Variants in ODAPH observed in about 807,000 individuals in gnomAD.
ODAPH encodes the protein amelogenesis imperfecta type IIA4.
Under a neutral mutation model 2.8 loss-of-function variants are expected in ODAPH, and 2 were observed. That is an observed-to-expected ratio of 0.72 (90% CI 0.30 to 2.28). The LOEUF (loss-of-function observed/expected upper bound fraction) is 2.28, where lower values mean the gene tolerates loss of function less well. Among genes scored for constraint, ODAPH ranks in the 30% most tolerant of loss-of-function variants. The probability of loss-of-function intolerance (pLI) is 0.13; values close to 1 mark genes in which losing one functional copy is unlikely to be tolerated. For missense variants in ODAPH, 159 were observed against 163.3 expected (o/e 0.97, Z 0.14); for synonymous variants, 75 against 60.3 (o/e 1.24, Z -1.13).
chr4:75,563,005 C>CT (rs542417085), intron 1 of ODAPH, among the ~76,000 whole-genome samples: 625 of 59,598 alleles, frequency 0.01, 215 homozygotes, highest in Non-Finnish European at 0.014. Context: ...ATCCACACAT[C>CT]TTTTTTTTTT....
At chr4:75,558,189 T>C (rs2148840951) in intron 1 of ODAPH, among the ~76,000 whole-genome samples, 1 of 152,312 alleles carries the variant, frequency 6.6e-6, no homozygotes, top group South Asian at 2.1e-4. Context: ...ACTCACAGCA[T>C]AGAATTGAAA....
At position 75,564,556 on chromosome 4, in the gene ODAPH, G is replaced by A. The variant is rs777519994; in HGVS notation, c.*117G>A. On this transcript the variant is annotated 3_prime_UTR_variant, in exon 2 of 2. Coordinates refer to ENST00000311623, the MANE Select transcript of ODAPH (RefSeq NM_178497.5). Reference sequence around the variant, plus strand: ...TAAAACTATTGGATTTGAAGATTAAGTATCCTAAACATCACTGACTAGAAA... The same window carrying A: ...TAAAACTATTGGATTTGAAGATTAAATATCCTAAACATCACTGACTAGAAA... The A allele has an allele frequency of 3.2e-6, 5 of 1,581,950 alleles. No individual in the cohort carries two copies. Among genetic ancestry groups the A allele is most frequent in the African/African-American group, 2.7e-5 (2 of 74,100 alleles).
intron 1 of ODAPH, among the ~76,000 whole-genome samples, chr4:75,559,160 G>A (rs1727464219): frequency 6.6e-6 from 1 of 152,220 alleles, no homozygotes; most frequent in African/African-American, 2.4e-5. Flanking sequence ...CTAGGTGCTG[G>A]AGACACCGGC....
intron 1 of ODAPH, among the ~76,000 whole-genome samples, chr4:75,563,900 C>T (rs1294421361): frequency 6.6e-6 from 1 of 152,168 alleles, no homozygotes; most frequent in Non-Finnish European, 1.5e-5. Context: ...TAGACATAAT[C>T]ATTCATTTCT....
Position 75,556,090 on chromosome 4 carries a change from G to T in ODAPH, c.8G>T (p.Arg3Leu), listed in dbSNP as rs200345295. The change falls in exon 1 of 2, where the codon CGC (arginine) becomes CTC (leucine). Residue 3 changes from arginine to leucine, a missense_variant. By Grantham distance (102) the Arg-to-Leu change is moderately radical. Coordinates refer to ENST00000311623, the MANE Select transcript of ODAPH (RefSeq NM_178497.5). MA[R>L]RHCFSYWLLV... Reference sequence around the variant, plus strand: ...GACTGCTCAGTAGAAGCCATGGCTCGCAGACACTGCTTCTCCTACTGGTTA... The same window carrying T: ...GACTGCTCAGTAGAAGCCATGGCTCTCAGACACTGCTTCTCCTACTGGTTA... The T allele has an allele frequency of 6.2e-7, 1 of 1,614,016 alleles. No homozygotes were observed. Among genetic ancestry groups the T allele is most frequent in the South Asian group, 1.1e-5 (1 of 91,068 alleles).
chr4:75,560,024 G>A (rs905443390), intron 1 of ODAPH, among the ~76,000 whole-genome samples: 2 of 152,184 alleles, frequency 1.3e-5, no homozygotes, highest in African/African-American at 2.4e-5. Context: ...ACTTGAACAG[G>A]AGTTAGCCAG....
chr4:75,561,652 G>T (rs1296916393), intron 1 of ODAPH, among the ~76,000 whole-genome samples: 6 of 152,158 alleles, frequency 3.9e-5, no homozygotes, highest in Non-Finnish European at 8.8e-5. Flanking sequence ...TTTGAGACCA[G>T]CCTGGCCAAC....
At chr4:75,558,355 A>C (rs1401033318) in intron 1 of ODAPH, among the ~76,000 whole-genome samples, 1 of 152,204 alleles carries the variant, frequency 6.6e-6, no homozygotes, top group East Asian at 1.9e-4. Flanking sequence ...CTCAAGTCTG[A>C]AAGCACATGA....
chr4:75,563,979 T>C lies in ODAPH; in HGVS notation c.68-135T>C, dbSNP rs183331471. ...TGTCTGTGTCTCATTTCATTGAACG[T>C]TGGCAGTTCTTTCAAATATACATTG... On this transcript the variant is annotated intron_variant, in intron 1 of 1. Coordinates refer to ENST00000311623, the MANE Select transcript of ODAPH (RefSeq NM_178497.5). 393 of 743,858 alleles carry C rather than the reference T, an allele frequency of 5.3e-4. 4 individuals carry two copies. In the Middle Eastern group the frequency reaches 0.013, roughly 24 times the overall value. 46.1% of individuals were successfully genotyped at this position (743,858 alleles called of 1,614,324 possible).
chr4:75,565,775 G>T (rs1419828050), downstream of ODAPH: 1 of 151,764 alleles, frequency 6.6e-6, no homozygotes, highest in Non-Finnish European at 1.5e-5. Flanking sequence ...AAAAAAATCA[G>T]GATGAAGACA....
chr4:75,557,609 A>T (rs1182972605), intron 1 of ODAPH, among the ~76,000 whole-genome samples: 3 of 152,142 alleles, frequency 2.0e-5, no homozygotes, highest in Admixed American at 6.5e-5. Flanking sequence ...ATTGCACTCC[A>T]GCCTGGGGAA....
intron 1 of ODAPH, among the ~76,000 whole-genome samples, chr4:75,557,398 G>A (rs989885948): frequency 1.3e-5 from 2 of 152,198 alleles, no homozygotes; most frequent in South Asian, 4.1e-4. Context: ...CCAGCATTTT[G>A]GGAGGCCGAG....
chr4:75,557,784 C>T (rs1340548003), intron 1 of ODAPH, among the ~76,000 whole-genome samples: 2 of 152,228 alleles, frequency 1.3e-5, no homozygotes, highest in African/African-American at 4.8e-5. Context: ...CACACACACC[C>T]TGGGTCTGCC....
chr4:75,557,831 T>C (rs1336451399), intron 1 of ODAPH, among the ~76,000 whole-genome samples: 1 of 152,150 alleles, frequency 6.6e-6, no homozygotes, highest in Non-Finnish European at 1.5e-5. Flanking sequence ...ACTCATCCTC[T>C]TCTCACTGAT....
At chr4:75,560,865 A>G (rs1727534900) in intron 1 of ODAPH, among the ~76,000 whole-genome samples, 2 of 152,202 alleles carry the variant, frequency 1.3e-5, no homozygotes, top group South Asian at 2.1e-4. Context: ...ACCTAGTGGC[A>G]GAGCTCAAGG....
At chr4:75,560,877 C>T (rs1362355581) in intron 1 of ODAPH, among the ~76,000 whole-genome samples, 1 of 152,130 alleles carries the variant, frequency 6.6e-6, no homozygotes, top group Non-Finnish European at 1.5e-5. Context: ...AGCTCAAGGC[C>T]TCGTTAAGCC....
chr4:75,561,013 C>T (rs1049962724), intron 1 of ODAPH, among the ~76,000 whole-genome samples: 1 of 151,846 alleles, frequency 6.6e-6, no homozygotes, highest in East Asian at 1.9e-4. Context: ...GTCAGGAGAT[C>T]GAGACCAGCC....
Position 75,564,186 on chromosome 4 carries a change from C to T in ODAPH, c.140C>T (p.Thr47Ile). ...GACGCTACCGACTGCCAGATCTTTACACTCACCCCTCCACCTGCCCCGAGG... is the reference window on the plus strand; with the variant it reads ...GACGCTACCGACTGCCAGATCTTTATACTCACCCCTCCACCTGCCCCGAGG... ...NADATDCQIFTLTPPPAPRSP... is the reference protein window; with the variant it reads ...NADATDCQIFILTPPPAPRSP... The change falls in exon 2 of 2, where the codon ACA becomes ATA. Residue 47 changes from threonine (T) to isoleucine (I), a missense_variant. By Grantham distance (89) the Thr-to-Ile change is moderately conservative. Transcript: ENST00000311623. 6.2e-7 allele frequency: 1 copy of T among 1,614,196 alleles called. No homozygotes were observed. Among genetic ancestry groups the T allele is most frequent in the Admixed American group, 1.7e-5 (1 of 60,022 alleles).
intron 1 of ODAPH, among the ~76,000 whole-genome samples, chr4:75,559,545 A>G (rs1578293684): frequency 6.6e-6 from 1 of 152,234 alleles, no homozygotes; most frequent in Non-Finnish European, 1.5e-5. Flanking sequence ...TCTAGAGCCT[A>G]TCCTTTTAAA....
Sources: allele counts gnomAD v4.1 joint callset (sites outside exome capture counted in the v4.1 genomes callset), GRCh38; gene constraint gnomAD v4.1.1; transcripts MANE v1.5; gene names NCBI Gene and HGNC (gene_info 2026-07-23, HGNC 2026-07-21).